Variants in SAG observed in about 807,000 individuals in gnomAD.
SAG encodes S-antigen visual arrestin.
SAG carries 45 observed loss-of-function variants against 55.0 expected under a neutral mutation model. The observed-to-expected ratio is 0.82, with a 90% CI of 0.64 to 1.05. The LOEUF is 1.05. Ranked by LOEUF, SAG falls within the 50% of genes least tolerant of loss-of-function variation. The pLI, the probability that SAG is intolerant of heterozygous loss-of-function variation, is 0.00. For synonymous variants in SAG, 189 were observed against 197.4 expected, an observed-to-expected ratio of 0.96 and a Z score of 0.36; for missense variants, 455 against 512.1, an observed-to-expected ratio of 0.89 and a Z score of 1.08.
intron 1 of SAG, 50 bp from the exon 2 acceptor site, chr2:233,309,112 G>C: frequency 9.1e-7 from 1 of 1,099,974 alleles, no homozygotes; most frequent in Admixed American, 2.0e-5. Context: ...TTGATATTTA[G>C]GATTGTCTTA....
chr2:233,316,627 A>C (rs1219465520), intron 3 of SAG, among the ~76,000 whole-genome samples: 1 of 152,070 alleles, frequency 6.6e-6, no homozygotes, highest in Non-Finnish European at 1.5e-5. Context: ...AATTTTAAAG[A>C]GTGTGAAGAG....
chr2:233,319,596 C>T lies in SAG; in HGVS notation c.181+801C>T. On this transcript the variant is annotated intron_variant, in intron 4 of 15. Transcript: ENST00000409110. The surrounding 1 kb of genome is among the most constrained non-coding windows in gnomAD (Gnocchi z 4.4). ...TATGGGGCCATCAGCATTGAGGGGG[C>T]ATGGCTGAAATGGGGCCCCAAACGG... 1 of 986,428 alleles carries T rather than the reference C, an allele frequency of 1.0e-6. No individual in the cohort carries two copies. The highest frequency in any genetic ancestry group is 1.2e-6 in the Non-Finnish European group (1 of 830,762). The allele number at this position is 986,428 out of a possible 1,614,324, so 61.1% of individuals were successfully genotyped here.
chr2:233,331,608 C>G, intron 9 of SAG, 32 bp from the exon 10 acceptor site: 2 of 1,497,704 alleles, frequency 1.3e-6, no homozygotes, highest in Non-Finnish European at 1.9e-6. Flanking sequence ...GGGACCAGTG[C>G]TGACCACCGG....
At chr2:233,311,141 A>G (rs552646833) in intron 2 of SAG, among the ~76,000 whole-genome samples, 1 of 152,136 alleles carries the variant, frequency 6.6e-6, no homozygotes, top group Admixed American at 6.5e-5. Context: ...AGAGAATTCA[A>G]TTCCTGTCTC....
chr2:233,318,555 G>T (rs1700281458), intron 3 of SAG, among the ~76,000 whole-genome samples, 196 bp from the exon 4 acceptor site: 1 of 142,818 alleles, frequency 7.0e-6, no homozygotes, highest in South Asian at 2.2e-4. Context: ...ATAAAAATCT[G>T]CACCAAGATC....
intron 12 of SAG, chr2:233,338,989 G>T (rs1269284938): frequency 9.8e-6 from 6 of 612,274 alleles, no homozygotes; most frequent in African/African-American, 5.5e-5. Context: ...CATTCTTAGC[G>T]CCACTTTGCA....
At chr2:233,331,448 ACCAGAAATGG>A (rs1206601199) in intron 9 of SAG, 182 bp from the exon 10 acceptor site, 3 of 645,574 alleles carry the variant, frequency 4.6e-6, no homozygotes, top group Non-Finnish European at 8.3e-6. Context: ...GTTATGGGTG[ACCAGAAATGG>A]CCTGGAGACA....
rs745813550 is a variant in SAG, at chr2:233,335,070, C to G, written c.915C>G (p.His305Gln). 8 of 1,613,762 alleles carry G rather than the reference C, an allele frequency of 5.0e-6. No individual in the cohort carries two copies. The African/African-American group carries it at 9.3e-5, about 19-fold the overall frequency. ...TTGCCCTGGATGGGAAAATCAAGCA[C>G]GAGGACACAAACCTTGCCTCCAGCA... ...RGIALDGKIK[H>Q]EDTNLASSTI... Residue 305 changes from histidine to glutamine, a missense_variant, in exon 11 of 16, where the codon CAC becomes CAG. Coordinates refer to ENST00000409110, the MANE Select transcript of SAG (RefSeq NM_000541.5).
chr2:233,337,395 C>T (rs563526977), intron 11 of SAG, among the ~76,000 whole-genome samples: 56 of 152,258 alleles, frequency 3.7e-4, no homozygotes, highest in African/African-American at 4.8e-4. Flanking sequence ...CCCACCACCA[C>T]GCCTGGCTAA....
At chr2:233,328,731 T>C (rs936118683) in intron 8 of SAG, 118 bp downstream of exon 8, 1 of 1,173,272 alleles carries the variant, frequency 8.5e-7, no homozygotes, top group African/African-American at 1.5e-5. Context: ...GAAGCTTGTT[T>C]CTAGGATAAA....
At chr2:233,316,009 T>C (rs552612554) in intron 2 of SAG, 66 bp from the exon 3 acceptor site, 5 of 1,010,576 alleles carry the variant, frequency 4.9e-6, no homozygotes, top group East Asian at 2.6e-5. Context: ...CTGCTGCTGG[T>C]TTTTATCATG....
intron 10 of SAG, 99 bp from the exon 11 acceptor site, chr2:233,334,863 G>A: frequency 7.0e-7 from 1 of 1,428,418 alleles, no homozygotes; most frequent in Non-Finnish European, 9.7e-7. Flanking sequence ...GGTCCATCAG[G>A]GGATGTGGAT....
In SAG at chr2:233,338,746, G is replaced by T; in HGVS notation, c.1015G>T (p.Val339Leu). The T allele has an allele frequency of 6.2e-7, 1 of 1,613,932 alleles. No homozygotes were observed. Among genetic ancestry groups the T allele is most frequent in the South Asian group, 1.1e-5 (1 of 91,084 alleles). ...TTACCAGATCAAGGTGAAGCTCACA[G>T]TGTCAGGGTAAGTGTCCCGGCACCA... ...VSYQIKVKLT[V>L]SGFLGELTSS... Residue 339 changes from valine to leucine, a missense_variant, in exon 12 of 16, where the codon GTG becomes TTG. Coordinates refer to ENST00000409110, the MANE Select transcript of SAG (RefSeq NM_000541.5).
rs908345265 is a variant in SAG at position 233,343,857 on chromosome 2, G to A, written c.1102+1531G>A. ...TTTTCTATATTGGTAGTGAAATGCC[G>A]TTTAAACATTAGAATGAGCCCCCAC... On this transcript the variant is annotated intron_variant, in intron 14 of 15. Transcript: ENST00000409110. 11 of 663,774 alleles carry A rather than the reference G, an allele frequency of 1.7e-5. No homozygotes were observed. The East Asian group carries it at 3.9e-4, about 23-fold the overall frequency. The allele number at this position is 663,774 out of a possible 1,614,324, so 41.1% of individuals were successfully genotyped here.
In SAG at chr2:233,318,819, G is replaced by A. The variant is rs760478339; in HGVS notation, c.181+24G>A. The A allele has an allele frequency of 5.6e-6, 9 of 1,610,234 alleles. No homozygotes were observed. The African/African-American group carries it at 1.1e-4, about 19-fold the overall frequency. On this transcript the variant is annotated intron_variant, in intron 4 of 15. Coordinates refer to ENST00000409110, the MANE Select transcript of SAG (RefSeq NM_000541.5). ...AGGTGAGATGAAGCCCCTTGTCTCA[G>A]GCTGGTTTCTGGGCGGAGTGGACTG...
chr2:233,328,417 G>A, intron 7 of SAG, 61 bp from the exon 8 acceptor site: 2 of 1,579,142 alleles, frequency 1.3e-6, no homozygotes, highest in Non-Finnish European at 1.7e-6. Context: ...GGAGAGAACA[G>A]AAGCCTCCCT....
In SAG at chr2:233,311,242, C is replaced by T. The variant is rs1317863178; in HGVS notation, c.75+1978C>T. ...GCCCATTTCTCTGTGATTCTCCCGA[C>T]GCTGCCCTCTTCTTTGACCTTCATC... On this transcript the variant is annotated intron_variant, in intron 2 of 15. Coordinates refer to ENST00000409110, the MANE Select transcript of SAG (RefSeq NM_000541.5). Among the ~76,000 whole-genome samples the T allele has an allele frequency of 2.0e-5, 3 of 152,178 alleles. No individual in the cohort carries two copies. The South Asian group carries it at 6.2e-4, about 32-fold the overall frequency.
intron 3 of SAG, 69 bp from the exon 4 acceptor site, chr2:233,318,682 T>C (rs1700284946): frequency 7.5e-7 from 1 of 1,337,438 alleles, no homozygotes; most frequent in African/African-American, 1.4e-5. Context: ...ACATGCGCAG[T>C]TTTTAAAGTA....
chr2:233,335,052 G>A lies in SAG; in HGVS notation c.897G>A (p.Leu299=), dbSNP rs780781792. 6.2e-7 allele frequency: 1 copy of A among 1,613,830 alleles called. No individual in the cohort carries two copies. Among genetic ancestry groups the A allele is most frequent in the Non-Finnish European group, 8.5e-7 (1 of 1,179,816 alleles). ...ANNRERRGIA[L]DGKIKHEDTN... ...ATCGAGAAAGGAGAGGCATTGCCCTGGATGGGAAAATCAAGCACGAGGACA... is the reference window on the plus strand; with the variant it reads ...ATCGAGAAAGGAGAGGCATTGCCCTAGATGGGAAAATCAAGCACGAGGACA... The change falls in exon 11 of 16, where the codon CTG becomes CTA. Residue 299 remains leucine (L), a synonymous_variant. Transcript: ENST00000409110.
Sources: allele counts gnomAD v4.1 joint callset (sites outside exome capture counted in the v4.1 genomes callset), GRCh38; gene constraint gnomAD v4.1.1; non-coding constraint Gnocchi (gnomAD v3.1); transcripts MANE v1.5; gene names NCBI Gene and HGNC (gene_info 2026-07-23, HGNC 2026-07-21).